DNAH3: variants seen among roughly 807,000 people sequenced by gnomAD.
DNAH3 encodes axonemal beta dynein heavy chain 3.
In DNAH3, 332 loss-of-function variants were observed where a neutral mutation model predicts 432.5. The observed-to-expected ratio is 0.77, with a 90% CI of 0.70 to 0.84. The LOEUF (loss-of-function observed/expected upper bound fraction) is 0.84. Among genes scored for constraint, DNAH3 ranks in the 40% least tolerant of loss-of-function variants. The pLI is 0.00. For missense variants in DNAH3, 4,861 were observed against 5,114.0 expected (o/e 0.95, Z 1.51); for synonymous variants, 1,956 against 1,900.2 (o/e 1.03, Z -0.76).
chr16:20,960,769 A>G (rs2084783618), intron 53 of DNAH3, among the ~76,000 whole-genome samples: 1 of 152,228 alleles, frequency 6.6e-6, no homozygotes, highest in Non-Finnish European at 1.5e-5. Context: ...AGGAAAAGAC[A>G]TGGAAGCTCA....
chr16:21,037,952 G>A (rs1322192217), exon 34 of DNAH3: 10 of 1,614,116 alleles, frequency 6.2e-6, no homozygotes, highest in Admixed American at 3.3e-5. Flanking sequence ...GAGCACAGGC[G>A]GTAGGTCGCA....
chr16:20,958,238 C>T (rs183846663), intron 54 of DNAH3, among the ~76,000 whole-genome samples: 1 of 151,776 alleles, frequency 6.6e-6, no homozygotes, highest in African/African-American at 2.4e-5. Context: ...ATGCCCAGCT[C>T]ATTTTTTGTA....
chr16:21,010,612 A>T (rs1163872830), intron 41 of DNAH3, among the ~76,000 whole-genome samples: 1 of 152,194 alleles, frequency 6.6e-6, no homozygotes, highest in African/African-American at 2.4e-5. Context: ...AGATCCATTT[A>T]TGCCATGTCT....
At chr16:20,953,568 A>G (rs1049737312) in intron 55 of DNAH3, among the ~76,000 whole-genome samples, 9 of 151,544 alleles carry the variant, frequency 5.9e-5, no homozygotes, top group African/African-American at 2.2e-4. Flanking sequence ...TTGCAAGCCA[A>G]ACATTTGCAT....
In DNAH3 at chr16:21,127,826, G is replaced by A. The variant is rs768047748; in HGVS notation, c.1083-14C>T. ...AGGTCTCTGAATCTGCCAAAAGAGA[G>A]GGAGAAATTTCCTAAGCTAAAGAAC... On this transcript the variant is annotated splice_polypyrimidine_tract_variant and intron_variant, in intron 7 of 61. Coordinates refer to ENST00000261383, the Ensembl canonical transcript of DNAH3. 29 of 1,613,620 alleles carry A rather than the reference G, an allele frequency of 1.8e-5. No individual in the cohort carries two copies. Among genetic ancestry groups the A allele is most frequent in the Non-Finnish European group, 2.2e-5 (26 of 1,179,784 alleles).
intron 27 of DNAH3, among the ~76,000 whole-genome samples, chr16:21,055,745 A>ATTTT (rs775755456): frequency 4.5e-5 from 6 of 134,238 alleles, no homozygotes; most frequent in South Asian, 2.5e-4. Context: ...TCAAATGCAG[A>ATTTT]TTTTTTTTTT....
At chr16:21,121,633 G>A (rs922511701) in intron 10 of DNAH3, among the ~76,000 whole-genome samples, 5 of 137,112 alleles carry the variant, frequency 3.6e-5, no homozygotes, top group African/African-American at 1.1e-4. Context: ...ATGGAGTCTC[G>A]CTCTGTCGCC....
chr16:21,051,272 G>C (rs1054286307), intron 29 of DNAH3, among the ~76,000 whole-genome samples: 1 of 152,174 alleles, frequency 6.6e-6, no homozygotes, highest in African/African-American at 2.4e-5. Flanking sequence ...AGAATGGCCA[G>C]CTTTTTTCAT....
intron 24 of DNAH3, 109 bp downstream of exon 24, chr16:21,067,174 A>T: frequency 8.2e-7 from 1 of 1,221,318 alleles, no homozygotes; most frequent in South Asian, 1.3e-5. Context: ...GAAAACCAGG[A>T]AAGAGTATGG....
intron 26 of DNAH3, among the ~76,000 whole-genome samples, chr16:21,058,948 T>C (rs937083933): frequency 3.9e-5 from 6 of 152,136 alleles, no homozygotes; most frequent in Admixed American, 3.9e-4. Flanking sequence ...GGTACATGTA[T>C]ACCTATGTAA....
intron 49 of DNAH3, among the ~76,000 whole-genome samples, chr16:20,981,639 C>T (rs916664175): frequency 6.6e-5 from 10 of 152,044 alleles, no homozygotes; most frequent in African/African-American, 1.9e-4. Flanking sequence ...GCACAAGAAT[C>T]GCATTAACCC....
intron 49 of DNAH3, among the ~76,000 whole-genome samples, chr16:20,980,779 A>G (rs982219802): frequency 3.3e-5 from 5 of 152,234 alleles, no homozygotes; most frequent in African/African-American, 9.6e-5. Flanking sequence ...AAATATTTTA[A>G]AATTTGTAAT....
intron 7 of DNAH3, among the ~76,000 whole-genome samples, chr16:21,131,902 GAAAGA>G (rs1404010080): frequency 1.4e-5 from 2 of 146,360 alleles, no homozygotes; most frequent in East Asian, 2.0e-4. Context: ...AAGAGAGAAA[GAAAGA>G]AAAGAAAACA....
chr16:20,984,627 C>T (rs966573989), intron 48 of DNAH3, among the ~76,000 whole-genome samples: 10 of 152,120 alleles, frequency 6.6e-5, no homozygotes, highest in Admixed American at 4.6e-4. Flanking sequence ...CCCAGCACTT[C>T]GGGAGGCCGA....
At chr16:21,130,303 C>CTTTTTTTTTTTTTTTT (rs59707842) in intron 7 of DNAH3, among the ~76,000 whole-genome samples, 1 of 133,420 alleles carries the variant, frequency 7.5e-6, no homozygotes, top group African/African-American at 2.8e-5. Context: ...AAGCCCTCCA[C>CTTTTTTTTTTTTTTTT]TTTTTTTTTT....
At chr16:21,095,405 T>C (rs2091647130) in intron 18 of DNAH3, among the ~76,000 whole-genome samples, 2 of 152,178 alleles carry the variant, frequency 1.3e-5, no homozygotes, top group African/African-American at 2.4e-5. Flanking sequence ...CTCGGATGAA[T>C]CTTAAAGGCA....
chr16:21,114,648 C>T (rs1408064425), intron 12 of DNAH3, among the ~76,000 whole-genome samples: 1 of 152,190 alleles, frequency 6.6e-6, no homozygotes, highest in African/African-American at 2.4e-5. Flanking sequence ...AAATGCTCAT[C>T]ATCACTGGCC....
At chr16:20,964,346 G>A (rs2084955089) in exon 53 of DNAH3, 1 of 1,614,202 alleles carries the variant, frequency 6.2e-7, no homozygotes, top group Non-Finnish European at 8.5e-7. Flanking sequence ...GGGAGGTAAT[G>A]TGGATTCCTC....
At chr16:21,113,893 T>C (rs1022002542) in intron 12 of DNAH3, among the ~76,000 whole-genome samples, 7 of 152,358 alleles carry the variant, frequency 4.6e-5, no homozygotes, top group African/African-American at 1.7e-4. Context: ...AATATTACGA[T>C]AGTCCCTCCT....
Sources: allele counts gnomAD v4.1 joint callset (sites outside exome capture counted in the v4.1 genomes callset), GRCh38; gene constraint gnomAD v4.1.1; transcripts MANE v1.5; gene names NCBI Gene and HGNC (gene_info 2026-07-23, HGNC 2026-07-21).